The following HMGXB3 variants were observed in gnomAD, a reference collection of about 807,000 sequenced individuals.
HMGXB3 encodes HMG domain-containing protein 3.
Under a neutral mutation model 121.5 loss-of-function variants are expected in HMGXB3, and 45 were observed. The ratio of observed to expected loss-of-function variants is 0.37; its 90% CI spans 0.29 to 0.47. The LOEUF is 0.47. Among genes scored for constraint, HMGXB3 ranks in the 20% least tolerant of loss-of-function variants. The pLI, the probability that HMGXB3 is intolerant of heterozygous loss-of-function variation, is 0.99. For missense variants in HMGXB3, 1,376 were observed against 1,602.2 expected (o/e 0.86, Z 2.41); for synonymous variants, 590 against 624.1 (o/e 0.95, Z 0.81).
intron 7 of HMGXB3, among the ~76,000 whole-genome samples, chr5:150,025,571 T>G (rs923040527): frequency 1.3e-5 from 2 of 152,132 alleles, no homozygotes; most frequent in African/African-American, 2.4e-5. Flanking sequence ...ATTTTTATGT[T>G]TATTTTTATT....
At position 150,051,803 on chromosome 5, in the gene HMGXB3, G is replaced by C; in HGVS notation, c.3490G>C (p.Val1164Leu). 6.5e-7 allele frequency: 1 copy of C among 1,547,822 alleles called. No individual in the cohort carries two copies. The highest frequency in any genetic ancestry group is 1.4e-5 in the African/African-American group (1 of 73,174). ...TETEHSIQHP[V>L]TKTATRRIVH... ...AACTGAGCACTCTATCCAGCACCCA[G>C]TCACCAAGACTGCCACGCGGCGCAT... Residue 1164 changes from valine (V) to leucine (L), a missense_variant, in exon 20 of 20, where the codon GTC becomes CTC. Transcript: ENST00000502717.
In HMGXB3 at chr5:150,004,954, G is replaced by A. The variant is rs1228703077; in HGVS notation, c.102G>A (p.Lys34=). 6.4e-7 allele frequency: 1 copy of A among 1,551,378 alleles called. No homozygotes were observed. The highest frequency in any genetic ancestry group is 8.7e-7 in the Non-Finnish European group (1 of 1,146,880). The part of the protein sequence containing the change: ...TSPGPPKKKK[K]YKIHGEKTKK... ...CTGGGCCACCCAAGAAGAAGAAAAA[G>A]TATAAAATACATGGAGAAAAGACAA... Residue 34 remains lysine, a synonymous_variant, in exon 2 of 20, where the codon AAG becomes AAA. Coordinates refer to ENST00000502717, the MANE Select transcript of HMGXB3 (RefSeq NM_014983.3).
chr5:150,026,284 C>T (rs1173444725), intron 7 of HMGXB3, among the ~76,000 whole-genome samples: 1 of 152,152 alleles, frequency 6.6e-6, no homozygotes, highest in Non-Finnish European at 1.5e-5. Context: ...TGGTATAGGC[C>T]ATGTGCTCAA....
chr5:150,020,255 C>T (rs1756056457), intron 6 of HMGXB3, among the ~76,000 whole-genome samples: 2 of 152,222 alleles, frequency 1.3e-5, no homozygotes, highest in African/African-American at 4.8e-5. Context: ...GTGCTAATGT[C>T]TCACAGGGGG....
chr5:150,033,060 C>G (rs772396652), intron 11 of HMGXB3, among the ~76,000 whole-genome samples: 1 of 152,170 alleles, frequency 6.6e-6, no homozygotes, highest in African/African-American at 2.4e-5. Flanking sequence ...TTATTTCTAG[C>G]AGTCTAGGCA....
intron 11 of HMGXB3, among the ~76,000 whole-genome samples, chr5:150,033,665 A>G (rs1756433481): frequency 6.6e-6 from 1 of 152,154 alleles, no homozygotes; most frequent in South Asian, 2.1e-4. Flanking sequence ...GTGGGGTCCT[A>G]CTGAATGTCC....
rs1324976067 is a variant in HMGXB3, at chr5:150,000,753, C to G, written c.-429C>G. ...GTCTCCCTGGCGATCCGTGGTGTGC[C>G]GCTACTGCCGGTGCAGCCGCCAAAC... On this transcript the variant is annotated 5_prime_UTR_variant, in exon 1 of 20. Coordinates refer to ENST00000502717, the MANE Select transcript of HMGXB3 (RefSeq NM_014983.3). 1 of 154,674 alleles carries G rather than the reference C, an allele frequency of 6.5e-6. No homozygotes were observed. The highest frequency in any genetic ancestry group is 6.5e-5 in the Admixed American group (1 of 15,290). 9.6% of individuals were successfully genotyped at this position (154,674 alleles called of 1,614,324 possible).
intron 7 of HMGXB3, 100 bp from the exon 8 acceptor site, chr5:150,026,605 AC>A (rs1756235571): frequency 5.0e-6 from 5 of 993,758 alleles, no homozygotes; most frequent in Non-Finnish European, 7.4e-6. Flanking sequence ...TGACAGTTTA[AC>A]CCCAATACTA....
At position 150,052,384 on chromosome 5, in the gene HMGXB3, G is replaced by C. The variant is rs571418937; in HGVS notation, c.*192G>C. 1.7e-5 allele frequency: 10 copies of C among 585,490 alleles called. No homozygotes were observed. The highest frequency in any genetic ancestry group is 1.4e-4 in the East Asian group (5 of 35,820). 36.3% of individuals were successfully genotyped at this position (585,490 alleles called of 1,614,324 possible). A position where few individuals can be genotyped will look rare whatever the true frequency, so the allele number is the denominator to read the frequency against. On this transcript the variant is annotated 3_prime_UTR_variant, in exon 20 of 20. Transcript: ENST00000502717. ...GTCCTCAGTTCTCAACCCTCCAGGGGTCAGGAGTGGTACCAGGAAACCTCT... is the reference window on the plus strand; with the variant it reads ...GTCCTCAGTTCTCAACCCTCCAGGGCTCAGGAGTGGTACCAGGAAACCTCT...
intron 6 of HMGXB3, chr5:150,021,497 T>TTAA: frequency 3.5e-6 from 1 of 289,106 alleles, no homozygotes; most frequent in Non-Finnish European, 6.8e-6. Context: ...CACAAATTCA[T>TTAA]AAACTATCTT....
Position 150,047,654 on chromosome 5 carries a change from A to G in HMGXB3, c.2981A>G (p.Gln994Arg), listed in dbSNP as rs1301545812. The change falls in exon 17 of 20, where the codon CAG becomes CGG. Residue 994 changes from glutamine to arginine, a missense_variant. Around this residue, in one of 2 missense-constraint regions of HMGXB3, gnomAD observed 1,116 missense variants for 1,369.0 expected, o/e 0.82. Transcript: ENST00000502717. The stretch of plus-strand genomic sequence containing the variant: ...GGCAGTGCCTTGGTGAGGCTGCTCC[A>G]GGAGGGCACCTGCAAGCTTGATGAG... Reference protein sequence around the residue: ...GSGSALVRLLQEGTCKLDEIG... With the variant: ...GSGSALVRLLREGTCKLDEIG... The G allele has an allele frequency of 1.9e-6, 3 of 1,551,600 alleles. No individual in the cohort carries two copies. The African/African-American group carries it at 4.1e-5, about 21-fold the overall frequency.
intron 9 of HMGXB3, among the ~76,000 whole-genome samples, chr5:150,028,491 A>G (rs1391061704): frequency 6.0e-5 from 5 of 83,450 alleles, no homozygotes; most frequent in African/African-American, 4.5e-4. Context: ...ATATATATGT[A>G]TATATATGTA....
intron 9 of HMGXB3, among the ~76,000 whole-genome samples, chr5:150,028,889 G>T (rs1056468624): frequency 4.0e-5 from 6 of 151,654 alleles, no homozygotes; most frequent in Non-Finnish European, 8.8e-5. Context: ...TTATTTTATT[G>T]TATATTTTTA....
intron 17 of HMGXB3, 53 bp downstream of exon 17, chr5:150,047,810 G>A: frequency 6.5e-7 from 1 of 1,544,946 alleles, no homozygotes; most frequent in Non-Finnish European, 8.8e-7. Context: ...AGGCTGATTG[G>A]TCCACTTTTT....
chr5:150,013,040 A>G (rs950878735), intron 5 of HMGXB3, among the ~76,000 whole-genome samples: 2 of 152,234 alleles, frequency 1.3e-5, no homozygotes, highest in African/African-American at 4.8e-5. Context: ...GTCTACAAGT[A>G]ATGACAGTTT....
Position 150,026,837 on chromosome 5 carries a change from G to A in HMGXB3, c.1592G>A (p.Ser531Asn). The A allele has an allele frequency of 6.5e-7, 1 of 1,539,518 alleles. No individual in the cohort carries two copies. The highest frequency in any genetic ancestry group is 8.8e-7 in the Non-Finnish European group (1 of 1,141,548). The change falls in exon 8 of 20, where the codon AGC (serine) becomes AAC (asparagine). Residue 531 changes from serine to asparagine, a missense_variant. By Grantham distance (46) the Ser-to-Asn change is conservative. Around this residue, in one of 2 missense-constraint regions of HMGXB3, gnomAD observed 1,116 missense variants for 1,369.0 expected, o/e 0.82. Coordinates refer to ENST00000502717, the MANE Select transcript of HMGXB3 (RefSeq NM_014983.3). ...GCCCCAGTTAACGTGGGGCGAGGCA[G>A]CAGCATGGGACTGCCCAGGGCCAGG... is the stretch of plus-strand genomic sequence containing the variant. ...LPAPVNVGRG[S>N]SMGLPRARQA...
Position 150,028,541 on chromosome 5 carries a change from G to GTATATA in HMGXB3, c.1734+1438_1734+1443dup, listed in dbSNP as rs1554098997. On this transcript the variant is annotated intron_variant, in intron 9 of 19. Transcript: ENST00000502717. ...TGTGTGTGTGTGTGTGTGTGTGTGTGTATATATATATATATATATTTTTTT... is the reference window on the plus strand; with the variant it reads ...TGTGTGTGTGTGTGTGTGTGTGTGTGTATATATATATATATATATATATATTTTTTT... Among the ~76,000 whole-genome samples, 226 of 42,068 alleles carry GTATATA rather than the reference G, an allele frequency of 5.4e-3. 6 individuals carry two copies. Among genetic ancestry groups the GTATATA allele is most frequent in the Non-Finnish European group, 9.4e-3 (189 of 20,056 alleles). 27.6% of individuals were successfully genotyped at this position (42,068 alleles called of 152,430 possible).
intron 2 of HMGXB3, among the ~76,000 whole-genome samples, chr5:150,005,611 AAAAG>A (rs1755682270): frequency 6.6e-6 from 1 of 151,610 alleles, no homozygotes; most frequent in South Asian, 2.1e-4. Flanking sequence ...AAAAAAAAAA[AAAAG>A]AAAAGAAAAA....
chr5:150,032,866 G>A (rs888838862), intron 11 of HMGXB3, among the ~76,000 whole-genome samples: 13 of 152,144 alleles, frequency 8.5e-5, no homozygotes, highest in African/African-American at 3.1e-4. Flanking sequence ...ATGTAGCACA[G>A]GCCTTAAGTA....
Sources: gnomAD v4.1 joint callset for allele counts (sites outside exome capture counted in the v4.1 genomes callset) on GRCh38, gnomAD v4.1.1 for gene constraint, gnomAD v4.1.1 regional missense constraint, MANE v1.5 for transcripts, NCBI Gene and HGNC (gene_info 2026-07-23, HGNC 2026-07-21) for gene names.